Variants in ZMAT4 observed in about 807,000 individuals in gnomAD.
ZMAT4 encodes the protein zinc finger matrin-type 4, also known as zinc finger matrin-type protein 4.
In ZMAT4, 17 loss-of-function variants were observed where a neutral mutation model predicts 28.7. The ratio of observed to expected loss-of-function variants is 0.59; its 90% CI spans 0.41 to 0.89. The LOEUF (loss-of-function observed/expected upper bound fraction) is 0.89, where lower values mean the gene tolerates loss of function less well. ZMAT4 is among the 40% of genes least tolerant of loss of function. The pLI, the probability that ZMAT4 is intolerant of heterozygous loss-of-function variation, is 0.00. For missense variants in ZMAT4, 240 were observed against 283.8 expected (o/e 0.85, Z 1.11); for synonymous variants, 117 against 109.2 (o/e 1.07, Z -0.44).
chr8:40,845,501 C>T (rs770205294), intron 1 of ZMAT4, among the ~76,000 whole-genome samples: 4 of 151,830 alleles, frequency 2.6e-5, no homozygotes, highest in Non-Finnish European at 5.9e-5. Context: ...AAAAATAATG[C>T]GGCTTTTGCT....
intron 2 of ZMAT4, among the ~76,000 whole-genome samples, chr8:40,781,653 T>C (rs1001687205): frequency 4.2e-4 from 61 of 144,456 alleles, no homozygotes; most frequent in Admixed American, 1.1e-3. Flanking sequence ...TCCCAGCTAC[T>C]TGGGAGGCTG....
chr8:40,742,035 T>G (rs975812194), intron 3 of ZMAT4, among the ~76,000 whole-genome samples: 2 of 151,846 alleles, frequency 1.3e-5, no homozygotes, highest in African/African-American at 4.8e-5. Flanking sequence ...GGCCAGGAGT[T>G]TGAGACCAGC....
intron 5 of ZMAT4, among the ~76,000 whole-genome samples, chr8:40,625,026 A>G (rs1476531100): frequency 1.3e-5 from 2 of 152,216 alleles, no homozygotes; most frequent in African/African-American, 2.4e-5. Context: ...CTCCTTATCC[A>G]GAGTGTTGAG....
chr8:40,556,135 T>C (rs1212327934), intron 6 of ZMAT4, among the ~76,000 whole-genome samples: 1 of 152,154 alleles, frequency 6.6e-6, no homozygotes, highest in Non-Finnish European at 1.5e-5. Context: ...GGGTTTATCC[T>C]TGCTTGCCTC....
intron 3 of ZMAT4, among the ~76,000 whole-genome samples, 164 bp from the exon 4 acceptor site, chr8:40,697,565 AT>A (rs935402380): frequency 5.3e-5 from 8 of 151,804 alleles, no homozygotes; most frequent in African/African-American, 1.9e-4. Context: ...TTTTTAAAAA[AT>A]TTTTTTATTA....
At chr8:40,755,309 C>G (rs1812633443) in intron 3 of ZMAT4, among the ~76,000 whole-genome samples, 1 of 152,146 alleles carries the variant, frequency 6.6e-6, no homozygotes, top group Admixed American at 6.5e-5. Context: ...CAGTAAATAT[C>G]TTAGGCCTTC....
chr8:40,644,103 A>T (rs1358960044), intron 5 of ZMAT4, among the ~76,000 whole-genome samples: 1 of 152,160 alleles, frequency 6.6e-6, no homozygotes, highest in Non-Finnish European at 1.5e-5. Context: ...GAAGAGGGAA[A>T]CCATTTAGGA....
At chr8:40,671,885 A>C (rs1030717597) in intron 5 of ZMAT4, among the ~76,000 whole-genome samples, 1 of 152,214 alleles carries the variant, frequency 6.6e-6, no homozygotes, top group Non-Finnish European at 1.5e-5. Context: ...TCTAGAAATG[A>C]AAATGATTGC....
chr8:40,882,974 A>T (rs1342449389), intron 1 of ZMAT4, among the ~76,000 whole-genome samples: 2 of 152,026 alleles, frequency 1.3e-5, no homozygotes, highest in East Asian at 3.9e-4. Context: ...CTGGCACTCA[A>T]CCTTGCCGTC....
chr8:40,738,542 T>C (rs527387463), intron 3 of ZMAT4, among the ~76,000 whole-genome samples: 1 of 152,214 alleles, frequency 6.6e-6, no homozygotes, highest in Non-Finnish European at 1.5e-5. Flanking sequence ...GGTTTTGCAC[T>C]GAGTAAAAGC....
chr8:40,799,293 A>G (rs1814736257), intron 2 of ZMAT4, among the ~76,000 whole-genome samples: 1 of 152,232 alleles, frequency 6.6e-6, no homozygotes, highest in Admixed American at 6.5e-5. Context: ...AGAGAGACAG[A>G]TAGATATCCA....
intron 4 of ZMAT4, among the ~76,000 whole-genome samples, chr8:40,695,494 C>T (rs1809841472): frequency 6.6e-6 from 1 of 152,230 alleles, no homozygotes; most frequent in Non-Finnish European, 1.5e-5. Context: ...CGGTGCACCA[C>T]ACCCTATTCG....
intron 5 of ZMAT4, among the ~76,000 whole-genome samples, chr8:40,636,955 T>C (rs1241633235): frequency 6.6e-6 from 1 of 152,136 alleles, no homozygotes; most frequent in African/African-American, 2.4e-5. Flanking sequence ...AATGCAAAAC[T>C]AGGTATCTTT....
At chr8:40,585,798 T>C (rs970266834) in intron 5 of ZMAT4, among the ~76,000 whole-genome samples, 4 of 152,190 alleles carry the variant, frequency 2.6e-5, no homozygotes, top group Non-Finnish European at 5.9e-5. Flanking sequence ...TCAGGGTTTA[T>C]TTCTTCCAGA....
chr8:40,617,524 G>T (rs969538514), intron 5 of ZMAT4, among the ~76,000 whole-genome samples: 1 of 152,176 alleles, frequency 6.6e-6, no homozygotes, highest in African/African-American at 2.4e-5. Flanking sequence ...ATGCTGAAAC[G>T]CTATGCAAGC....
At chr8:40,549,123 A>C (rs1169932903) in intron 6 of ZMAT4, among the ~76,000 whole-genome samples, 1 of 152,134 alleles carries the variant, frequency 6.6e-6, no homozygotes, top group African/African-American at 2.4e-5. Context: ...CCCTTCTGCC[A>C]TGTAAGGACC....
intron 5 of ZMAT4, among the ~76,000 whole-genome samples, chr8:40,597,466 G>A (rs553041686): frequency 1.2e-4 from 18 of 152,264 alleles, no homozygotes; most frequent in African/African-American, 1.4e-4. Flanking sequence ...TGTGGGGGTC[G>A]CCCTCAGCTC....
chr8:40,673,880 G>A (rs1246362633), intron 5 of ZMAT4, among the ~76,000 whole-genome samples: 1 of 152,040 alleles, frequency 6.6e-6, no homozygotes, highest in African/African-American at 2.4e-5. Context: ...TCTGGGGCAG[G>A]GGCATGGTGC....
intron 4 of ZMAT4, among the ~76,000 whole-genome samples, chr8:40,695,896 CA>C (rs1446221997): frequency 1.4e-5 from 2 of 143,888 alleles, no homozygotes; most frequent in Non-Finnish European, 1.5e-5. Context: ...TTTAATTTAA[CA>C]GTAATATTCT....
Sources: gnomAD v4.1 joint callset for allele counts (sites outside exome capture counted in the v4.1 genomes callset) on GRCh38, gnomAD v4.1.1 for gene constraint, MANE v1.5 for transcripts, NCBI Gene and HGNC (gene_info 2026-07-23, HGNC 2026-07-21) for gene names.